Variants in OPCML observed in about 807,000 individuals in gnomAD.
OPCML encodes the protein opioid-binding protein/cell adhesion molecule.
OPCML carries 13 observed loss-of-function variants against 37.8 expected under a neutral mutation model. The ratio of observed to expected loss-of-function variants is 0.34; its 90% CI spans 0.22 to 0.55. The LOEUF (loss-of-function observed/expected upper bound fraction) is 0.55. OPCML is among the 20% of genes least tolerant of loss of function. The pLI is 0.91. For synonymous variants in OPCML, 176 were observed against 168.8 expected (o/e 1.04, Z -0.33); for missense variants, 341 against 435.6 (o/e 0.78, Z 1.93).
At chr11:132,528,707 G>A (rs987440327) in intron 4 of OPCML, among the ~76,000 whole-genome samples, 5 of 152,132 alleles carry the variant, frequency 3.3e-5, no homozygotes, top group African/African-American at 1.2e-4. Flanking sequence ...GTTCTCCATG[G>A]CCACGCTAAT....
In OPCML at chr11:133,262,668, G is replaced by A. The variant is rs117928470; in HGVS notation, c.61+269596C>T. On this transcript the variant is annotated intron_variant, in intron 1 of 7. Transcript: ENST00000524381. ...CGCTATGAATATCTTGAGCCCTCTCGTGTGGCTTCCTATCCAGGTCTTTCT... is the reference window on the plus strand; with the variant it reads ...CGCTATGAATATCTTGAGCCCTCTCATGTGGCTTCCTATCCAGGTCTTTCT... 1.1e-3 allele frequency among the ~76,000 whole-genome samples: 167 copies of A among 152,272 alleles called. 2 individuals carry two copies. In the East Asian group the frequency reaches 0.021, roughly 19 times the overall value.
intron 2 of OPCML, among the ~76,000 whole-genome samples, chr11:132,915,582 A>G (rs1424056672): frequency 6.6e-6 from 1 of 152,074 alleles, no homozygotes; most frequent in African/African-American, 2.4e-5. Flanking sequence ...CACCGTCTCC[A>G]AAAGACTCAC....
chr11:132,952,885 G>C (rs748248019), intron 1 of OPCML, among the ~76,000 whole-genome samples: 4 of 152,110 alleles, frequency 2.6e-5, no homozygotes, highest in African/African-American at 9.7e-5. Context: ...CCAGAATGAT[G>C]AAGTAGGCAA....
chr11:132,462,077 C>T (rs2096104078), intron 4 of OPCML, among the ~76,000 whole-genome samples: 1 of 152,124 alleles, frequency 6.6e-6, no homozygotes, highest in African/African-American at 2.4e-5. Context: ...AAATGGGGGC[C>T]AGTCTTGTGA....
chr11:132,949,193 C>G (rs1326122516), intron 1 of OPCML, among the ~76,000 whole-genome samples: 1 of 152,128 alleles, frequency 6.6e-6, no homozygotes, highest in East Asian at 1.9e-4. Context: ...CTACATGAAA[C>G]GTAAGGCGAC....
intron 1 of OPCML, among the ~76,000 whole-genome samples, chr11:133,374,352 G>A (rs1037721088): frequency 2.0e-5 from 3 of 152,170 alleles, no homozygotes; most frequent in Non-Finnish European, 2.9e-5. Flanking sequence ...CAGAAGGCAG[G>A]AATCCCCAAG....
rs150879347 is a variant in OPCML, at chr11:132,775,713, C to T, written c.147-118394G>A. Among the ~76,000 whole-genome samples the T allele has an allele frequency of 2.0e-3, 300 of 152,310 alleles. 2 individuals are homozygous for T. Among genetic ancestry groups the T allele is most frequent in the African/African-American group, 6.9e-3 (285 of 41,576 alleles). ...ACCTCGGGTGCCTGGCCCTGGGCAT[C>T]CTGCAGAGGCTCCTAGAAAACAGCA... On this transcript the variant is annotated intron_variant, in intron 2 of 7. Coordinates refer to ENST00000524381, the MANE Select transcript of OPCML (RefSeq NM_001012393.5).
intron 2 of OPCML, among the ~76,000 whole-genome samples, chr11:132,758,514 A>T (rs1376612006): frequency 2.6e-5 from 4 of 152,130 alleles, no homozygotes; most frequent in African/African-American, 9.7e-5. Flanking sequence ...GAAGTCCTTC[A>T]TATCCCCTGT....
At chr11:133,334,503 GGT>G (rs1239639271) in intron 1 of OPCML, among the ~76,000 whole-genome samples, 1 of 152,114 alleles carries the variant, frequency 6.6e-6, no homozygotes, top group Non-Finnish European at 1.5e-5. Flanking sequence ...TGATGGGGAG[GGT>G]GGGAGGAAGG....
intron 2 of OPCML, among the ~76,000 whole-genome samples, chr11:132,703,012 TA>T (rs1943890467): frequency 1.3e-5 from 2 of 152,168 alleles, no homozygotes; most frequent in South Asian, 4.1e-4. Context: ...CTGAGCTCTT[TA>T]AAGACAATTA....
chr11:133,045,499 T>C (rs895182436), intron 1 of OPCML, among the ~76,000 whole-genome samples: 1 of 152,196 alleles, frequency 6.6e-6, no homozygotes, highest in Non-Finnish European at 1.5e-5. Context: ...TGCTCAGTGA[T>C]GTAGCACCGT....
intron 1 of OPCML, among the ~76,000 whole-genome samples, chr11:133,204,745 G>C (rs148960391): frequency 8.2e-4 from 124 of 151,872 alleles, no homozygotes; most frequent in African/African-American, 2.8e-3. Flanking sequence ...TGGCTTTACT[G>C]TAGCTGTTAT....
intron 1 of OPCML, among the ~76,000 whole-genome samples, chr11:133,440,762 T>TTATATATA (rs58808691): frequency 9.5e-5 from 12 of 126,956 alleles, no homozygotes; most frequent in African/African-American, 3.8e-4. Flanking sequence ...CCTACAGCAA[T>TTATATATA]TATATATATA....
intron 1 of OPCML, among the ~76,000 whole-genome samples, chr11:133,291,750 A>C (rs141020754): frequency 2.6e-5 from 4 of 152,324 alleles, no homozygotes; most frequent in Admixed American, 2.6e-4. Flanking sequence ...GCACAAATTG[A>C]ACAACATTAA....
rs76126854 is a variant in OPCML, at chr11:132,682,880, G to A, written c.147-25561C>T. On this transcript the variant is annotated intron_variant, in intron 2 of 7. Coordinates refer to ENST00000524381, the MANE Select transcript of OPCML (RefSeq NM_001012393.5). Reference sequence around the variant, plus strand: ...CCCCTGCATGTGGAAGGTCTTTCACGCTCTCACTTGTCACCAGCAGGTGCC... The same window carrying A: ...CCCCTGCATGTGGAAGGTCTTTCACACTCTCACTTGTCACCAGCAGGTGCC... Among the ~76,000 whole-genome samples, 409 of 152,292 alleles carry A rather than the reference G, an allele frequency of 2.7e-3. 2 individuals carry two copies. The highest frequency in any genetic ancestry group is 9.1e-3 in the African/African-American group (380 of 41,554).
intron 4 of OPCML, among the ~76,000 whole-genome samples, chr11:132,475,735 T>G (rs2096153049): frequency 6.6e-6 from 1 of 152,198 alleles, no homozygotes; most frequent in South Asian, 2.1e-4. Context: ...CATTATGTAA[T>G]ATTTTCTTAT....
chr11:132,939,481 A>T (rs11223289), intron 2 of OPCML, among the ~76,000 whole-genome samples: 43,749 of 152,138 alleles, frequency 0.29, 7,058 homozygotes, highest in East Asian at 0.61. Flanking sequence ...AAAACACAAA[A>T]CACCAAAACA....
chr11:133,134,044 G>T (rs147363757), intron 1 of OPCML, among the ~76,000 whole-genome samples: 1 of 152,020 alleles, frequency 6.6e-6, no homozygotes, highest in Non-Finnish European at 1.5e-5. Flanking sequence ...GATAATACAG[G>T]CTCCTGTATC....
intron 1 of OPCML, among the ~76,000 whole-genome samples, chr11:133,169,942 T>C (rs1263640510): frequency 6.6e-6 from 1 of 152,230 alleles, no homozygotes; most frequent in Non-Finnish European, 1.5e-5. Context: ...GTTTGTGGGC[T>C]ATGAAGAAGA....
Sources: gnomAD v4.1 joint callset for allele counts (sites outside exome capture counted in the v4.1 genomes callset) on GRCh38, gnomAD v4.1.1 for gene constraint, MANE v1.5 for transcripts, NCBI Gene and HGNC (gene_info 2026-07-23, HGNC 2026-07-21) for gene names.